The following GLIS3 variants were observed in gnomAD, a reference collection of about 807,000 sequenced individuals.
GLIS3 encodes GLIS family zinc finger 3, also known as zinc finger protein GLIS3.
A neutral mutation model predicts 78.6 loss-of-function variants in GLIS3; 53 were observed. The ratio of observed to expected loss-of-function variants is 0.67; its 90% CI spans 0.54 to 0.85. The LOEUF (loss-of-function observed/expected upper bound fraction) is 0.85, where lower values mean the gene tolerates loss of function less well. Ranked by LOEUF, GLIS3 falls within the 40% of genes least tolerant of loss-of-function variation. The pLI is 0.00. For missense variants in GLIS3, 1,703 were observed against 1,231.1 expected, an observed-to-expected ratio of 1.38 and a Z score of -5.74; for synonymous variants, 684 against 509.9, an observed-to-expected ratio of 1.34 and a Z score of -4.60.
chr9:3,828,355 C>A lies in GLIS3; in HGVS notation c.2710G>T (p.Gly904Trp), dbSNP rs150310830. Reference protein sequence around the residue: ...SSLFGESLRSGAEDATFLQIS... With the variant: ...SSLFGESLRSWAEDATFLQIS... The stretch of plus-strand genomic sequence containing the variant: ...TGCAAGAAGGTAGCATCTTCAGCCC[C>A]GCTGCGGAGAGACTCCCCAAAGAGG... Residue 904 changes from glycine (G) to tryptophan (W), a missense_variant, in exon 11 of 11, where the codon GGG becomes TGG. Gly to Trp is a radical substitution (Grantham distance 184, BLOSUM62 -2). Transcript: ENST00000381971. 3.1e-6 allele frequency: 5 copies of A among 1,613,770 alleles called. No homozygotes were observed. In the African/African-American group the frequency reaches 6.7e-5, roughly 22 times the overall value.
At chr9:4,451,749 T>G in the GLIS3 span, among the ~76,000 whole-genome samples, 1 of 152,128 alleles carries the variant, frequency 6.6e-6, no homozygotes, top group African/African-American at 2.4e-5. Context: ...GAATGACTAC[T>G]GGGTACATAA....
At chr9:4,156,421 C>A (rs1481654540) in intron 2 of GLIS3, among the ~76,000 whole-genome samples, 3 of 152,184 alleles carry the variant, frequency 2.0e-5, no homozygotes, top group African/African-American at 7.2e-5. Context: ...TCCTCCTTAT[C>A]CACCCAATAC....
At chr9:4,255,059 C>A (rs1254883780) in intron 2 of GLIS3, among the ~76,000 whole-genome samples, 1 of 152,086 alleles carries the variant, frequency 6.6e-6, no homozygotes, top group Non-Finnish European at 1.5e-5. Context: ...GGCTAAAGAC[C>A]TTAGCAGACA....
chr9:4,149,538 A>G (rs1309442675), intron 2 of GLIS3, among the ~76,000 whole-genome samples: 4 of 152,258 alleles, frequency 2.6e-5, no homozygotes, highest in Non-Finnish European at 5.9e-5. Flanking sequence ...CTTGGTTTCC[A>G]TATATAAGCA....
intron 2 of GLIS3, among the ~76,000 whole-genome samples, chr9:4,208,041 G>C (rs13293763): frequency 0.073 from 11,183 of 152,250 alleles, 522 homozygotes; most frequent in Non-Finnish European, 0.11. Flanking sequence ...CACCAGGAAA[G>C]TGACTTTTAT....
intron 4 of GLIS3, among the ~76,000 whole-genome samples, chr9:4,074,083 G>A (rs77158423): frequency 2.0e-5 from 3 of 152,086 alleles, no homozygotes; most frequent in Non-Finnish European, 4.4e-5. Context: ...TATTTCTCCA[G>A]CTCCCTTCCG....
chr9:4,011,981 G>C (rs543903614), intron 4 of GLIS3, among the ~76,000 whole-genome samples: 1 of 152,152 alleles, frequency 6.6e-6, no homozygotes, highest in African/African-American at 2.4e-5. Context: ...TGACAGGGGA[G>C]GGGGAGGTAT....
At chr9:4,297,184 C>G (rs1194677622) in intron 1 of GLIS3, among the ~76,000 whole-genome samples, 1 of 151,792 alleles carries the variant, frequency 6.6e-6, no homozygotes, top group Admixed American at 6.6e-5. Context: ...GAGGGTGAAA[C>G]AGAAGTCTGG....
chr9:4,026,180 A>G (rs1483948524), intron 4 of GLIS3, among the ~76,000 whole-genome samples: 1 of 152,240 alleles, frequency 6.6e-6, no homozygotes, highest in East Asian at 1.9e-4. Context: ...AGAGGCCCTC[A>G]ACACTCCAGT....
At chr9:4,273,319 G>A (rs1029936090) in intron 2 of GLIS3, among the ~76,000 whole-genome samples, 3 of 152,152 alleles carry the variant, frequency 2.0e-5, no homozygotes, top group African/African-American at 7.2e-5. Context: ...TCTGCACCAA[G>A]CACGGTGGCT....
intron 2 of GLIS3, among the ~76,000 whole-genome samples, chr9:4,198,442 AG>A (rs1293392579): frequency 6.6e-6 from 1 of 152,210 alleles, no homozygotes; most frequent in Non-Finnish European, 1.5e-5. Context: ...GACTGAACCA[AG>A]CAAAAGAAGG....
chr9:4,185,118 C>G (rs1218149347), intron 2 of GLIS3, among the ~76,000 whole-genome samples: 1 of 152,176 alleles, frequency 6.6e-6, no homozygotes, highest in Non-Finnish European at 1.5e-5. Context: ...GTTCCCATCT[C>G]CAACCCTAGG....
chr9:4,116,877 T>G (rs1367247231), intron 4 of GLIS3, among the ~76,000 whole-genome samples: 1 of 152,212 alleles, frequency 6.6e-6, no homozygotes, highest in African/African-American at 2.4e-5. Context: ...AATACTTAAG[T>G]GAGCTGTCTG....
At chr9:3,944,275 T>A (rs1212505771) in intron 4 of GLIS3, among the ~76,000 whole-genome samples, 4 of 152,192 alleles carry the variant, frequency 2.6e-5, no homozygotes, top group Admixed American at 6.5e-5. Context: ...ATTAAATTTT[T>A]ATGGAAATTA....
intron 2 of GLIS3, among the ~76,000 whole-genome samples, chr9:4,346,321 G>A (rs1197838171): frequency 6.6e-6 from 1 of 152,062 alleles, no homozygotes; most frequent in Admixed American, 6.5e-5. Context: ...TTCTCCCTGG[G>A]GATACAATAC....
intron 4 of GLIS3, among the ~76,000 whole-genome samples, chr9:4,082,732 A>G (rs1828662442): frequency 6.6e-6 from 1 of 152,182 alleles, no homozygotes. Context: ...CTAACATTCT[A>G]CAAACACTGC....
the GLIS3 span, among the ~76,000 whole-genome samples, chr9:4,431,322 C>T: frequency 1.3e-5 from 2 of 152,324 alleles, no homozygotes; most frequent in Non-Finnish European, 1.5e-5. Context: ...CCTTACTTCG[C>T]TCTTGTATTA....
rs75225486 is a variant in GLIS3 at position 4,164,548 on chromosome 9, C to T, written c.389-38607G>A. On this transcript the variant is annotated intron_variant, in intron 2 of 10. Transcript: ENST00000381971. Reference sequence around the variant, plus strand: ...GTGAAAGGGTCAGACTTTCTGAGTTCCTGCTCCCCTCACTTCTCCCCACAG... The same window carrying T: ...GTGAAAGGGTCAGACTTTCTGAGTTTCTGCTCCCCTCACTTCTCCCCACAG... Among the ~76,000 whole-genome samples, 1,201 of 152,252 alleles carry T rather than the reference C, an allele frequency of 7.9e-3. 13 individuals carry two copies. Among genetic ancestry groups the T allele is most frequent in the African/African-American group, 0.028 (1,154 of 41,534 alleles).
In GLIS3 at chr9:4,335,002, G is replaced by A. The variant is rs192879466; in HGVS notation, n.264+12079C>T. On this transcript the variant is annotated intron_variant and non_coding_transcript_variant, in intron 2 of 4. Transcript: ENST00000471664. ...CGGCTCACCGCAAGCTCCACCTCCCGGGTTCATGCCATTCTCCTGCCTCAG... is the reference window on the plus strand; with the variant it reads ...CGGCTCACCGCAAGCTCCACCTCCCAGGTTCATGCCATTCTCCTGCCTCAG... Among the ~76,000 whole-genome samples the A allele has an allele frequency of 3.6e-3, 486 of 135,468 alleles. 2 individuals are homozygous for A. Among genetic ancestry groups the A allele is most frequent in the African/African-American group, 0.012 (451 of 36,088 alleles). 88.9% of individuals were successfully genotyped at this position (135,468 alleles called of 152,430 possible). A position where few individuals can be genotyped will look rare whatever the true frequency, so the allele number is the denominator to read the frequency against.
Sources: allele counts gnomAD v4.1 joint callset (sites outside exome capture counted in the v4.1 genomes callset), GRCh38; gene constraint gnomAD v4.1.1; transcripts MANE v1.5; gene names NCBI Gene and HGNC (gene_info 2026-07-23, HGNC 2026-07-21).